HPS5: variants seen among roughly 807,000 people sequenced by gnomAD.
The protein encoded by HPS5 is BLOC-2 complex member HPS5.
A neutral mutation model predicts 128.0 loss-of-function variants in HPS5; 83 were observed. The observed-to-expected ratio is 0.65, with a 90% CI of 0.54 to 0.78. HPS5 has a LOEUF of 0.78. Ranked by LOEUF, HPS5 falls within the 30% of genes least tolerant of loss-of-function variation. The pLI is 0.00. For missense variants in HPS5, 1,281 were observed against 1,326.2 expected, an observed-to-expected ratio of 0.97 and a Z score of 0.53; for synonymous variants, 475 against 470.2, an observed-to-expected ratio of 1.01 and a Z score of -0.13.
intron 20 of HPS5, among the ~76,000 whole-genome samples, chr11:18,284,977 C>T (rs1277993933): frequency 6.6e-6 from 1 of 152,056 alleles, no homozygotes; most frequent in Non-Finnish European, 1.5e-5. Context: ...ACCAGCGATG[C>T]TATTGAGCCC....
chr11:18,282,102 G>C lies in HPS5; in HGVS notation c.3177C>G (p.Pro1059=), dbSNP rs769262674. 1 of 1,614,156 alleles carries C rather than the reference G, an allele frequency of 6.2e-7. No homozygotes were observed. Among genetic ancestry groups the C allele is most frequent in the Non-Finnish European group, 8.5e-7 (1 of 1,180,032 alleles). Residue 1059 remains proline (P), a synonymous_variant, in exon 22 of 23, where the codon CCC becomes CCG. Coordinates refer to ENST00000349215, the MANE Select transcript of HPS5 (RefSeq NM_181507.2). ...GAAGTGCCACATTCTCCACATTGAT[G>C]GGGGAAGGCCCATCACTGAGGCTCC... The part of the protein sequence containing the change: ...LNGSLSDGPS[P]INVENVALLL...
intron 2 of HPS5, 38 bp downstream of exon 2, chr11:18,317,713 C>G (rs752423431): frequency 6.3e-7 from 1 of 1,599,498 alleles, no homozygotes; most frequent in Admixed American, 1.7e-5. Context: ...ACAGAGAGCA[C>G]GTGAAAATGA....
At chr11:18,320,991 T>C (rs1312738054) in intron 1 of HPS5, among the ~76,000 whole-genome samples, 1 of 152,168 alleles carries the variant, frequency 6.6e-6, no homozygotes, top group Admixed American at 6.5e-5. Flanking sequence ...CTGCTATTAA[T>C]CAAATGCAAC....
At chr11:18,305,681 CT>C (rs1446596073) in intron 7 of HPS5, among the ~76,000 whole-genome samples, 188 bp from the exon 8 acceptor site, 7 of 151,204 alleles carry the variant, frequency 4.6e-5, no homozygotes, top group Non-Finnish European at 1.0e-4. Flanking sequence ...TTTTCTGAAT[CT>C]TTTAATAAAA....
chr11:18,317,005 T>G (rs1863700666), intron 2 of HPS5, among the ~76,000 whole-genome samples: 1 of 152,006 alleles, frequency 6.6e-6, no homozygotes, highest in African/African-American at 2.4e-5. Context: ...CCATCCTGGC[T>G]AACATGGTGA....
rs1278391435 is a variant in HPS5 at position 18,283,878 on chromosome 11, A to T, written c.2975T>A (p.Leu992His). Residue 992 changes from leucine to histidine, a missense_variant, in exon 21 of 23, where the codon CTC becomes CAC. Transcript: ENST00000349215. ...SCGFWPGYLI[L>H]CLELERRREA... Reference sequence around the variant, plus strand: ...TCTTCTTCTCTCCAGCTCCAAACAGAGAATTAGATATCCAGGCCAGAAACT... The same window carrying T: ...TCTTCTTCTCTCCAGCTCCAAACAGTGAATTAGATATCCAGGCCAGAAACT... 3 of 1,613,012 alleles carry T rather than the reference A, an allele frequency of 1.9e-6. No homozygotes were observed. Among genetic ancestry groups the T allele is most frequent in the Middle Eastern group, 1.6e-4 (1 of 6,076 alleles).
chr11:18,297,813 C>G, intron 10 of HPS5, 96 bp from the exon 11 acceptor site: 2 of 1,206,734 alleles, frequency 1.7e-6, no homozygotes, highest in Non-Finnish European at 2.4e-6. Context: ...GGCACGGTGG[C>G]TCACGCCTGT....
rs569849295 is a variant in HPS5, at chr11:18,288,780, T to A, written c.2441-767A>T. Among the ~76,000 whole-genome samples, 8 of 151,820 alleles carry A rather than the reference T, an allele frequency of 5.3e-5. No individual in the cohort carries two copies. In the East Asian group the frequency reaches 1.6e-3, roughly 30 times the overall value. On this transcript the variant is annotated intron_variant, in intron 16 of 22. Coordinates refer to ENST00000349215, the MANE Select transcript of HPS5 (RefSeq NM_181507.2). Reference sequence around the variant, plus strand: ...TGTGCAGCGACGGGGTCTTCCTACGTTGCCTAGCTGCAGTGCCTGTGTGCA... The same window carrying A: ...TGTGCAGCGACGGGGTCTTCCTACGATGCCTAGCTGCAGTGCCTGTGTGCA...
intron 5 of HPS5, among the ~76,000 whole-genome samples, chr11:18,309,715 C>G (rs927328703): frequency 2.6e-5 from 4 of 152,168 alleles, no homozygotes; most frequent in Non-Finnish European, 5.9e-5. Context: ...ATAATTTAGC[C>G]AATAGCCAGG....
intron 13 of HPS5, 125 bp downstream of exon 13, chr11:18,295,874 T>C (rs546569816): frequency 9.7e-7 from 1 of 1,032,256 alleles, no homozygotes; most frequent in African/African-American, 1.6e-5. Context: ...TAGCTCCATA[T>C]GACAAGTTAT....
At chr11:18,311,671 C>T (rs1299397530) in intron 3 of HPS5, 1 of 558,090 alleles carries the variant, frequency 1.8e-6, no homozygotes, top group Non-Finnish European at 3.2e-6. Context: ...CCACCACGCC[C>T]AGCTAATTTT....
At chr11:18,294,617 G>A (rs986434309) in intron 14 of HPS5, among the ~76,000 whole-genome samples, 6 of 152,060 alleles carry the variant, frequency 3.9e-5, no homozygotes, top group South Asian at 2.1e-4. Context: ...GATCTGCTTC[G>A]GGGTGATGTA....
chr11:18,305,514 TTAA>T (rs1320478640), intron 7 of HPS5, 21 bp from the exon 8 acceptor site: 1 of 1,511,124 alleles, frequency 6.6e-7, no homozygotes, highest in Admixed American at 1.7e-5. Flanking sequence ...AACACATCTG[TTAA>T]TGAGTTTATC....
At chr11:18,308,830 A>T (rs577378475) in intron 6 of HPS5, 116 bp downstream of exon 6, 1 of 964,014 alleles carries the variant, frequency 1.0e-6, no homozygotes, top group Non-Finnish European at 1.5e-6. Context: ...AAAGAAAAAA[A>T]AGAAAAAGAA....
chr11:18,300,983 C>G (rs1277504097), intron 8 of HPS5, 67 bp from the exon 9 acceptor site: 1 of 890,808 alleles, frequency 1.1e-6, no homozygotes, highest in Non-Finnish European at 1.9e-6. Context: ...TCCCCGAATT[C>G]AGATCCTTGC....
Position 18,292,883 on chromosome 11 carries a change from TTC to T in HPS5, c.1862+14_1862+15del. The T allele has an allele frequency of 2.5e-6, 4 of 1,598,914 alleles. No individual in the cohort carries two copies. Among genetic ancestry groups the T allele is most frequent in the Non-Finnish European group, 3.4e-6 (4 of 1,166,096 alleles). ...TGCCTTGAGACGTCACTATAAAAGT[TTC>T]TCATTATACTCACATTGCTTCTGCT... On this transcript the variant is annotated intron_variant, in intron 15 of 22. Coordinates refer to ENST00000349215, the MANE Select transcript of HPS5 (RefSeq NM_181507.2).
intron 9 of HPS5, 29 bp from the exon 10 acceptor site, chr11:18,298,999 A>G (rs1404383872): frequency 6.2e-7 from 1 of 1,603,274 alleles, no homozygotes; most frequent in South Asian, 1.1e-5. Flanking sequence ...TGAACATACA[A>G]AATGTTAACC....
intron 14 of HPS5, among the ~76,000 whole-genome samples, chr11:18,293,709 G>T (rs992204087): frequency 4.6e-5 from 7 of 152,160 alleles, no homozygotes; most frequent in Non-Finnish European, 1.0e-4. Flanking sequence ...TCTGAGTAGG[G>T]AAAGGGACAT....
At chr11:18,317,660 G>C (rs1300394142) in intron 2 of HPS5, 91 bp downstream of exon 2, 3 of 1,277,340 alleles carry the variant, frequency 2.3e-6, no homozygotes, top group Non-Finnish European at 3.4e-6. Context: ...GAACACCCAA[G>C]ATTCCACAAA....
Sources: gnomAD v4.1 joint callset for allele counts (sites outside exome capture counted in the v4.1 genomes callset) on GRCh38, gnomAD v4.1.1 for gene constraint, MANE v1.5 for transcripts, NCBI Gene and HGNC (gene_info 2026-07-23, HGNC 2026-07-21) for gene names.